CPD: variants seen among roughly 807,000 people sequenced by gnomAD.
CPD encodes metallocarboxypeptidase D.
A neutral mutation model predicts 138.3 loss-of-function variants in CPD; 69 were observed. The ratio of observed to expected loss-of-function variants is 0.50; its 90% CI spans 0.41 to 0.61. The LOEUF is 0.61. CPD is among the 20% of genes least tolerant of loss of function. The pLI is 0.00. For synonymous variants in CPD, 651 were observed against 642.1 expected (o/e 1.01, Z -0.21); for missense variants, 1,432 against 1,733.3 (o/e 0.83, Z 3.09).
chr17:30,449,933 C>G (rs1007239126), intron 13 of CPD, among the ~76,000 whole-genome samples, 185 bp downstream of exon 13: 1 of 152,014 alleles, frequency 6.6e-6, no homozygotes. Flanking sequence ...TAGTGTCTTT[C>G]TATTATATTT....
intron 2 of CPD, among the ~76,000 whole-genome samples, chr17:30,404,144 G>A (rs1911745731): frequency 6.6e-6 from 1 of 152,136 alleles, no homozygotes; most frequent in South Asian, 2.1e-4. Context: ...TTTTATTGTG[G>A]TGGTAGTTAT....
rs1042278617 is a variant in CPD at position 30,432,955 on chromosome 17, G to A, written c.2127+1074G>A. On this transcript the variant is annotated intron_variant, in intron 8 of 20. Coordinates refer to ENST00000225719, the MANE Select transcript of CPD (RefSeq NM_001304.5). ...AATTGTCTTAGAAAACATGTTAAAA[G>A]TTGAGGCTTGTAAACTAAGCTTGTT... is the stretch of plus-strand genomic sequence containing the variant. Among the ~76,000 whole-genome samples, 7 of 152,062 alleles carry A rather than the reference G, an allele frequency of 4.6e-5. No individual in the cohort carries two copies. In the East Asian group the frequency reaches 1.3e-3, roughly 29 times the overall value.
In CPD at chr17:30,456,363, C is replaced by T. The variant is rs1913293766; in HGVS notation, c.3433+12C>T. The T allele has an allele frequency of 6.2e-7, 1 of 1,613,184 alleles. No individual in the cohort carries two copies. Among genetic ancestry groups the T allele is most frequent in the Admixed American group, 1.7e-5 (1 of 59,996 alleles). ...CCCAAATAAATCAGGTAGATGTTTT[C>T]CATACCTTTTGTTATTGCTGTTGTT... On this transcript the variant is annotated intron_variant, in intron 16 of 20. Coordinates refer to ENST00000225719, the MANE Select transcript of CPD (RefSeq NM_001304.5).
chr17:30,379,522 G>A lies in CPD; in HGVS notation c.542G>A (p.Ser181Asn). ...LNTTDVYLLP[S>N]LNPDGFERAR... The stretch of plus-strand genomic sequence containing the variant: ...ACCACCGACGTGTACCTGCTGCCCA[G>A]CCTCAACCCCGATGGCTTCGAGCGT... Residue 181 changes from serine (S) to asparagine (N), a missense_variant, in exon 1 of 21, where the codon AGC (serine) becomes AAC (asparagine). Physicochemically the swap from Ser to Asn is conservative, Grantham distance 46 (BLOSUM62 1). Around this residue, in one of 6 missense-constraint regions of CPD, gnomAD observed 484 missense variants for 477.2 expected, o/e 1.01. Transcript: ENST00000225719. This position sits in a 1 kb window ranked among gnomAD's most constrained non-coding sequence, Gnocchi z 7.0. The A allele has an allele frequency of 6.4e-7, 1 of 1,567,464 alleles. No homozygotes were observed. The highest frequency in any genetic ancestry group is 8.6e-7 in the Non-Finnish European group (1 of 1,162,494).
chr17:30,457,743 G>A (rs1057222056), intron 17 of CPD, among the ~76,000 whole-genome samples: 1 of 150,812 alleles, frequency 6.6e-6, no homozygotes, highest in Non-Finnish European at 1.5e-5. Flanking sequence ...GCAGCTTATT[G>A]CAGCCTGAAC....
intron 14 of CPD, chr17:30,454,615 T>C (rs1287897013): frequency 6.5e-6 from 1 of 153,422 alleles, no homozygotes; most frequent in Non-Finnish European, 1.4e-5. Flanking sequence ...TGCTTCCACA[T>C]TTTTGGGTAT....
chr17:30,381,811 A>G (rs142873049), intron 1 of CPD, among the ~76,000 whole-genome samples: 45 of 152,238 alleles, frequency 3.0e-4, no homozygotes, highest in Non-Finnish European at 5.9e-4. Flanking sequence ...TTGATATCCT[A>G]TTCACCCAGC....
chr17:30,450,836 G>A (rs1195298202), intron 13 of CPD, among the ~76,000 whole-genome samples: 3 of 152,094 alleles, frequency 2.0e-5, no homozygotes, highest in African/African-American at 7.2e-5. Context: ...TCCAGCCTGG[G>A]TAACAGGCTG....
intron 6 of CPD, among the ~76,000 whole-genome samples, chr17:30,425,234 TC>T (rs1163546954): frequency 1.3e-5 from 2 of 152,234 alleles, no homozygotes; most frequent in African/African-American, 4.8e-5. Flanking sequence ...AGGTTAAACT[TC>T]CAGCTGTGCT....
At position 30,465,639 on chromosome 17, in the gene CPD, A is replaced by G. The variant is rs1913616171; in HGVS notation, c.*825A>G. ...GTGCTGCTGCTTATATCTGTGAAGC[A>G]CTAGCTTATTCTAGGAATGCCTGAT... On this transcript the variant is annotated 3_prime_UTR_variant, in exon 21 of 21. Coordinates refer to ENST00000225719, the MANE Select transcript of CPD (RefSeq NM_001304.5). 1 of 152,666 alleles carries G rather than the reference A, an allele frequency of 6.6e-6. No homozygotes were observed. Among genetic ancestry groups the G allele is most frequent in the Non-Finnish European group, 1.5e-5 (1 of 68,032 alleles). The allele number at this position is 152,666 out of a possible 1,614,324, so 9.5% of individuals were successfully genotyped here. A position where few individuals can be genotyped will look rare whatever the true frequency, so the allele number is the denominator to read the frequency against.
At chr17:30,458,266 C>T (rs1277895554) in intron 17 of CPD, among the ~76,000 whole-genome samples, 5 of 152,150 alleles carry the variant, frequency 3.3e-5, no homozygotes, top group Non-Finnish European at 5.9e-5. Context: ...TTATCAGATA[C>T]ATGATTTGCA....
intron 1 of CPD, among the ~76,000 whole-genome samples, chr17:30,383,519 G>T (rs901526088): frequency 2.6e-5 from 4 of 152,262 alleles, no homozygotes; most frequent in Non-Finnish European, 5.9e-5. Flanking sequence ...TTCTTCTCTG[G>T]TGTCTGGAAG....
intron 8 of CPD, 112 bp from the exon 9 acceptor site, chr17:30,438,863 C>A: frequency 1.7e-6 from 1 of 580,014 alleles, no homozygotes; most frequent in African/African-American, 2.0e-5. Context: ...CCACCTCCAC[C>A]CCTCACATAC....
intron 15 of CPD, chr17:30,455,941 G>A: frequency 3.2e-6 from 1 of 313,304 alleles, no homozygotes; most frequent in Non-Finnish European, 5.9e-6. Context: ...GGTTTTCAGT[G>A]CATCTTACAA....
chr17:30,456,131 C>G, intron 15 of CPD, 125 bp from the exon 16 acceptor site: 2 of 655,676 alleles, frequency 3.1e-6, no homozygotes, highest in Non-Finnish European at 2.7e-6. Context: ...ATTATAGTAA[C>G]AGTATACTTA....
chr17:30,450,938 A>G (rs1395499353), intron 13 of CPD, among the ~76,000 whole-genome samples: 1 of 152,204 alleles, frequency 6.6e-6, no homozygotes, highest in Non-Finnish European at 1.5e-5. Context: ...TGCCTCAGAG[A>G]AGGGAAGGAA....
At chr17:30,451,520 A>G (rs1017580028) in intron 13 of CPD, among the ~76,000 whole-genome samples, 191 bp from the exon 14 acceptor site, 17 of 152,220 alleles carry the variant, frequency 1.1e-4, no homozygotes, top group Admixed American at 9.2e-4. Flanking sequence ...TTAGCTGTAC[A>G]GTAGTTTTTT....
chr17:30,426,907 G>A (rs890911091), intron 6 of CPD, among the ~76,000 whole-genome samples: 4 of 152,114 alleles, frequency 2.6e-5, no homozygotes, highest in Non-Finnish European at 5.9e-5. Flanking sequence ...CTGGCTGGGC[G>A]TGGTGGCTCA....
At chr17:30,464,074 T>C (rs1208604543) in intron 20 of CPD, among the ~76,000 whole-genome samples, 1 of 151,782 alleles carries the variant, frequency 6.6e-6, no homozygotes, top group South Asian at 2.1e-4. Flanking sequence ...AGAAAAAAAA[T>C]ACATGTACGT....
Sources: gnomAD v4.1 joint callset for allele counts (sites outside exome capture counted in the v4.1 genomes callset) on GRCh38, gnomAD v4.1.1 for gene constraint, gnomAD v4.1.1 regional missense constraint, Gnocchi (gnomAD v3.1) non-coding constraint, MANE v1.5 for transcripts, NCBI Gene and HGNC (gene_info 2026-07-23, HGNC 2026-07-21) for gene names.